The following LRBA variants were observed in gnomAD, a reference collection of about 807,000 sequenced individuals.
LRBA encodes lipopolysaccharide-responsive and beige-like anchor protein.
Under a neutral mutation model 330.0 loss-of-function variants are expected in LRBA, and 176 were observed. The ratio of observed to expected loss-of-function variants is 0.53; its 90% CI spans 0.47 to 0.60. LRBA has a LOEUF of 0.60. LRBA is among the 20% of genes least tolerant of loss of function. The probability of loss-of-function intolerance (pLI) is 0.00; values close to 1 mark genes in which losing one functional copy is unlikely to be tolerated. For missense variants in LRBA, 3,259 were observed against 3,444.8 expected, an observed-to-expected ratio of 0.95 and a Z score of 1.35; for synonymous variants, 1,230 against 1,193.0, an observed-to-expected ratio of 1.03 and a Z score of -0.64.
chr4:150,347,505 G>A (rs899329507), intron 48 of LRBA, among the ~76,000 whole-genome samples: 2 of 152,018 alleles, frequency 1.3e-5, no homozygotes, highest in African/African-American at 4.8e-5. Context: ...AATTAGCCAG[G>A]CGTGGTGGCA....
At chr4:150,382,924 CA>C (rs1446181110) in intron 47 of LRBA, among the ~76,000 whole-genome samples, 1 of 152,058 alleles carries the variant, frequency 6.6e-6, no homozygotes, top group Non-Finnish European at 1.5e-5. Context: ...AAATAAATTG[CA>C]AAATTTTTGT....
intron 36 of LRBA, among the ~76,000 whole-genome samples, chr4:150,691,085 A>G (rs1406998858): frequency 6.6e-6 from 1 of 151,894 alleles, no homozygotes; most frequent in African/African-American, 2.4e-5. Context: ...GCCTGCCACC[A>G]TGCCCAGCTA....
intron 44 of LRBA, among the ~76,000 whole-genome samples, chr4:150,462,520 AAAG>A (rs1052671395): frequency 1.2e-4 from 18 of 151,712 alleles, no homozygotes; most frequent in African/African-American, 4.1e-4. Context: ...TTTTTTCTTA[AAAG>A]AAGATCAGAA....
intron 40 of LRBA, among the ~76,000 whole-genome samples, chr4:150,500,928 A>T (rs1019180004): frequency 4.6e-5 from 7 of 152,326 alleles, no homozygotes; most frequent in Middle Eastern, 3.4e-3. Flanking sequence ...TAAAATTAGT[A>T]CCTGCCTCCT....
At chr4:150,270,998 T>C (rs1247158840) in intron 56 of LRBA, among the ~76,000 whole-genome samples, 2 of 152,194 alleles carry the variant, frequency 1.3e-5, no homozygotes, top group Admixed American at 6.5e-5. Context: ...CATTTCCAAC[T>C]GAGGTACCTG....
At chr4:150,436,646 T>C in intron 45 of LRBA, 78 bp downstream of exon 45, 2 of 1,226,098 alleles carry the variant, frequency 1.6e-6, no homozygotes, top group African/African-American at 1.5e-5. Context: ...AAAAATATGC[T>C]TATGAGTTCT....
At position 150,526,035 on chromosome 4, in the gene LRBA, A is replaced by G. The variant is rs186431282; in HGVS notation, c.6331-35000T>C. ...ACATTAATTTTACAGATTCAGAAATAAAGTGTTATTACAAAGGAAGATTCA... is the reference window on the plus strand; with the variant it reads ...ACATTAATTTTACAGATTCAGAAATGAAGTGTTATTACAAAGGAAGATTCA... On this transcript the variant is annotated intron_variant, in intron 40 of 56. Coordinates refer to ENST00000651943, the MANE Select transcript of LRBA (RefSeq NM_001364905.1). Among the ~76,000 whole-genome samples, 319 of 152,292 alleles carry G rather than the reference A, an allele frequency of 2.1e-3. 3 individuals are homozygous for G. Among genetic ancestry groups the G allele is most frequent in the African/African-American group, 7.4e-3 (307 of 41,578 alleles).
At chr4:150,881,531 G>A (rs1472330721) in intron 17 of LRBA, among the ~76,000 whole-genome samples, 2 of 151,850 alleles carry the variant, frequency 1.3e-5, no homozygotes, top group East Asian at 1.9e-4. Context: ...AGAGAAGGAA[G>A]GGGGAAAAGG....
intron 28 of LRBA, among the ~76,000 whole-genome samples, chr4:150,834,661 C>G (rs568445418): frequency 6.6e-6 from 1 of 152,106 alleles, no homozygotes; most frequent in South Asian, 2.1e-4. Flanking sequence ...CTTAAGGGTC[C>G]GAGGATTTTC....
chr4:150,712,330 C>T (rs1489769743), intron 36 of LRBA, among the ~76,000 whole-genome samples: 1 of 152,080 alleles, frequency 6.6e-6, no homozygotes, highest in Non-Finnish European at 1.5e-5. Flanking sequence ...CAGTTAGGGC[C>T]AGGCCTTGTA....
intron 36 of LRBA, among the ~76,000 whole-genome samples, chr4:150,730,046 C>CA (rs149131732): frequency 4.6e-5 from 7 of 151,916 alleles, no homozygotes; most frequent in East Asian, 3.9e-4. Flanking sequence ...GAAACTACTA[C>CA]AAAAAAAACT....
In LRBA at chr4:150,531,621, G is replaced by A. The variant is rs952637; in HGVS notation, c.6331-40586C>T. Reference sequence around the variant, plus strand: ...GAATAAATTTTCTAGCATGTAACAGGCACTCAACAAATTTTGATGAATGAG... The same window carrying A: ...GAATAAATTTTCTAGCATGTAACAGACACTCAACAAATTTTGATGAATGAG... On this transcript the variant is annotated intron_variant, in intron 40 of 56. Transcript: ENST00000651943. Among the ~76,000 whole-genome samples, 1,145 of 152,132 alleles carry A rather than the reference G, an allele frequency of 7.5e-3. 6 individuals are homozygous for A. Among genetic ancestry groups the A allele is most frequent in the African/African-American group, 0.026 (1,070 of 41,492 alleles).
intron 37 of LRBA, among the ~76,000 whole-genome samples, chr4:150,635,597 T>A (rs1372496465): frequency 6.6e-6 from 1 of 152,226 alleles, no homozygotes; most frequent in African/African-American, 2.4e-5. Flanking sequence ...GCAAACCTTA[T>A]TTCTTTTTTT....
intron 2 of LRBA, among the ~76,000 whole-genome samples, chr4:150,976,065 C>T (rs1353802593): frequency 6.6e-6 from 1 of 151,646 alleles, no homozygotes; most frequent in East Asian, 1.9e-4. Flanking sequence ...ATCCCAGCTA[C>T]TCAGAAGGCT....
chr4:150,574,120 C>A (rs955001406), intron 40 of LRBA, among the ~76,000 whole-genome samples: 2 of 151,920 alleles, frequency 1.3e-5, no homozygotes, highest in African/African-American at 2.4e-5. Context: ...TTTCTATATA[C>A]AGGAACACAT....
Position 150,722,457 on chromosome 4 carries a change from A to G in LRBA, c.5754+12801T>C, listed in dbSNP as rs79971940. ...AATAAAGAACAAATACTCAAGTACT[A>G]TAAGAAATGTGATTATAAACATGAA... On this transcript the variant is annotated intron_variant, in intron 36 of 56. Coordinates refer to ENST00000651943, the MANE Select transcript of LRBA (RefSeq NM_001364905.1). Among the ~76,000 whole-genome samples the G allele has an allele frequency of 3.3e-3, 501 of 152,312 alleles. 1 individual carries two copies. The highest frequency in any genetic ancestry group is 0.017 in the Middle Eastern group (5 of 294).
intron 37 of LRBA, among the ~76,000 whole-genome samples, chr4:150,623,454 T>G (rs888559594): frequency 1.3e-5 from 2 of 152,116 alleles, no homozygotes; most frequent in African/African-American, 4.8e-5. Context: ...ATATGCCTGT[T>G]AAAAAATAAT....
chr4:150,481,985 T>C (rs1252080531), intron 42 of LRBA, among the ~76,000 whole-genome samples: 1 of 152,160 alleles, frequency 6.6e-6, no homozygotes, highest in Non-Finnish European at 1.5e-5. Flanking sequence ...TCCTAACCTA[T>C]ACATCCTCAT....
chr4:150,481,715 A>G (rs1364999633), intron 42 of LRBA, among the ~76,000 whole-genome samples: 1 of 152,086 alleles, frequency 6.6e-6, no homozygotes, highest in Non-Finnish European at 1.5e-5. Flanking sequence ...TTAGCATAAC[A>G]CTTTTGAAAT....
Sources: gnomAD v4.1 joint callset for allele counts (sites outside exome capture counted in the v4.1 genomes callset) on GRCh38, gnomAD v4.1.1 for gene constraint, MANE v1.5 for transcripts, NCBI Gene and HGNC (gene_info 2026-07-23, HGNC 2026-07-21) for gene names.